PACRG: variants seen among roughly 807,000 people sequenced by gnomAD.
PACRG encodes the protein parkin coregulated.
PACRG carries 29 observed loss-of-function variants against 29.7 expected under a neutral mutation model. That is an observed-to-expected ratio of 0.98 (90% confidence interval 0.73 to 1.33). The LOEUF is 1.33. Among genes scored for constraint, PACRG ranks in the 40% most tolerant of loss-of-function variants. The pLI is 0.00. For synonymous variants in PACRG, 116 were observed against 118.7 expected (o/e 0.98, Z 0.15); for missense variants, 279 against 316.2 (o/e 0.88, Z 0.89).
intron 2 of PACRG, among the ~76,000 whole-genome samples, chr6:163,006,019 CATTATATATGTTATATAT>C (rs1472061483): frequency 6.0e-5 from 8 of 133,334 alleles, no homozygotes; most frequent in African/African-American, 2.3e-4. Context: ...ATGTTATATA[CATTATATATGTTATATAT>C]AACATATATA....
chr6:163,159,752 T>C (rs942252738), intron 4 of PACRG, among the ~76,000 whole-genome samples: 4 of 152,232 alleles, frequency 2.6e-5, no homozygotes, highest in Non-Finnish European at 4.4e-5. Flanking sequence ...TCAGCAATAG[T>C]ATTCTAAAGG....
At chr6:163,314,208 T>G (rs983100898) in intron 4 of PACRG, among the ~76,000 whole-genome samples, 1 of 152,192 alleles carries the variant, frequency 6.6e-6, no homozygotes, top group Non-Finnish European at 1.5e-5. Context: ...TGCAAAGCCC[T>G]GACTGACAAA....
intron 4 of PACRG, among the ~76,000 whole-genome samples, chr6:163,279,944 G>T (rs1784174000): frequency 6.6e-6 from 1 of 152,186 alleles, no homozygotes; most frequent in South Asian, 2.1e-4. Context: ...CCCTCAGCCT[G>T]CACTGCGCAT....
intron 2 of PACRG, among the ~76,000 whole-genome samples, chr6:162,964,609 C>A (rs1037091421): frequency 3.3e-5 from 5 of 152,178 alleles, no homozygotes; most frequent in East Asian, 3.9e-4. Flanking sequence ...ACACAGCAAT[C>A]TAGAAGAGAA....
intron 4 of PACRG, among the ~76,000 whole-genome samples, chr6:163,166,677 A>G (rs1778828280): frequency 6.6e-6 from 1 of 152,362 alleles, no homozygotes; most frequent in South Asian, 2.1e-4. Flanking sequence ...CCAAAGCATG[A>G]CATGAAGTCT....
chr6:163,171,703 G>GGTA (rs1194431390), intron 4 of PACRG, among the ~76,000 whole-genome samples: 1 of 152,192 alleles, frequency 6.6e-6, no homozygotes, highest in Non-Finnish European at 1.5e-5. Context: ...GCAGTGATAA[G>GGTA]GTAGTAGATG....
chr6:162,946,128 A>C (rs2128124673), intron 2 of PACRG, among the ~76,000 whole-genome samples: 1 of 152,164 alleles, frequency 6.6e-6, no homozygotes, highest in South Asian at 2.1e-4. Flanking sequence ...CCAAACCCCA[A>C]ACTAGTAGAA....
At chr6:162,810,231 G>T (rs1786728093) in intron 1 of PACRG, among the ~76,000 whole-genome samples, 1 of 152,122 alleles carries the variant, frequency 6.6e-6, no homozygotes, top group Non-Finnish European at 1.5e-5. Flanking sequence ...CTCCTCTGGG[G>T]TCAGCAGACG....
chr6:163,086,884 T>C (rs1342394117), intron 3 of PACRG, among the ~76,000 whole-genome samples: 1 of 152,042 alleles, frequency 6.6e-6, no homozygotes, highest in East Asian at 2.0e-4. Flanking sequence ...TAGAAAATTT[T>C]TAAAAATAAA....
intron 4 of PACRG, among the ~76,000 whole-genome samples, chr6:163,112,369 G>C (rs1404857244): frequency 6.6e-6 from 1 of 152,150 alleles, no homozygotes; most frequent in African/African-American, 2.4e-5. Flanking sequence ...AGCCAGTGCA[G>C]GTGAAAAGGA....
chr6:162,881,128 C>T lies in PACRG; in HGVS notation c.291+66847C>T, dbSNP rs115375636. On this transcript the variant is annotated intron_variant, in intron 2 of 4. Transcript: ENST00000366888. ...CCTGTGTATGGACCACAGGCTCAGCCAGCCTCAGTGCATATACTTCATTCT... is the reference window on the plus strand; with the variant it reads ...CCTGTGTATGGACCACAGGCTCAGCTAGCCTCAGTGCATATACTTCATTCT... Among the ~76,000 whole-genome samples, 198 of 152,326 alleles carry T rather than the reference C, an allele frequency of 1.3e-3. 1 individual carries two copies. Among genetic ancestry groups the T allele is most frequent in the African/African-American group, 4.5e-3 (186 of 41,574 alleles).
At chr6:163,269,736 G>A (rs1783662445) in intron 4 of PACRG, among the ~76,000 whole-genome samples, 1 of 144,784 alleles carries the variant, frequency 6.9e-6, no homozygotes, top group African/African-American at 2.5e-5. Context: ...ATACCACTGA[G>A]GGGGAAAAGA....
intron 4 of PACRG, among the ~76,000 whole-genome samples, chr6:163,272,197 C>T (rs1783856798): frequency 1.3e-5 from 2 of 152,194 alleles, no homozygotes; most frequent in South Asian, 4.2e-4. Context: ...CGCCACCATG[C>T]CCAGCTAATT....
intron 2 of PACRG, among the ~76,000 whole-genome samples, chr6:162,887,017 C>A (rs1794393976): frequency 6.6e-6 from 1 of 152,132 alleles, no homozygotes; most frequent in South Asian, 2.1e-4. Context: ...AAGCGATTCT[C>A]CTGCCTCAGC....
intron 4 of PACRG, among the ~76,000 whole-genome samples, chr6:163,124,644 G>C (rs568522193): frequency 6.6e-6 from 1 of 152,292 alleles, no homozygotes; most frequent in South Asian, 2.1e-4. Context: ...CCCAGGAATG[G>C]GATTCCACAC....
intron 4 of PACRG, among the ~76,000 whole-genome samples, chr6:163,197,434 CTTTTTTTTTTT>C (rs57942658): frequency 1.9e-5 from 2 of 106,240 alleles, no homozygotes; most frequent in Admixed American, 1.0e-4. Flanking sequence ...CTTTTCTTTT[CTTTTTTTTTTT>C]TTTTTTTTTT....
At chr6:162,838,082 T>G (rs1420326714) in intron 2 of PACRG, among the ~76,000 whole-genome samples, 1 of 152,206 alleles carries the variant, frequency 6.6e-6, no homozygotes, top group East Asian at 1.9e-4. Flanking sequence ...TTGGCAGATT[T>G]TCTTCCATAT....
intron 2 of PACRG, among the ~76,000 whole-genome samples, chr6:163,059,909 C>T (rs920596458): frequency 7.9e-5 from 12 of 152,046 alleles, no homozygotes; most frequent in Admixed American, 2.0e-4. Flanking sequence ...GAAAAATAGA[C>T]ATGTCAACAG....
chr6:163,216,034 G>A (rs1028209432), intron 4 of PACRG, among the ~76,000 whole-genome samples: 8 of 152,224 alleles, frequency 5.3e-5, no homozygotes, highest in African/African-American at 1.9e-4. Context: ...GCTGGGAAGA[G>A]AAGGATCCAT....
Sources: gnomAD v4.1 joint callset for allele counts (sites outside exome capture counted in the v4.1 genomes callset) on GRCh38, gnomAD v4.1.1 for gene constraint, MANE v1.5 for transcripts, NCBI Gene and HGNC (gene_info 2026-07-23, HGNC 2026-07-21) for gene names.